Variants in ACAP2 observed in about 807,000 individuals in gnomAD.
ACAP2 encodes the protein ArfGAP with coiled-coil, ankyrin repeat and PH domains 2.
ACAP2 carries 39 observed loss-of-function variants against 115.8 expected under a neutral mutation model. That is an observed-to-expected ratio of 0.34 (90% CI 0.26 to 0.44). The LOEUF (loss-of-function observed/expected upper bound fraction) is 0.44. Among genes scored for constraint, ACAP2 ranks in the 20% least tolerant of loss-of-function variants. The pLI, the probability that ACAP2 is intolerant of heterozygous loss-of-function variation, is 1.00. For missense variants in ACAP2, 662 were observed against 927.6 expected (o/e 0.71, Z 3.72); for synonymous variants, 289 against 315.8 (o/e 0.92, Z 0.90).
At chr3:195,399,856 T>A (rs955749375) in intron 1 of ACAP2, among the ~76,000 whole-genome samples, 5 of 151,740 alleles carry the variant, frequency 3.3e-5, no homozygotes, top group Non-Finnish European at 5.9e-5. Flanking sequence ...AATAAAAAAA[T>A]TTAAAAAAAG....
intron 2 of ACAP2, among the ~76,000 whole-genome samples, chr3:195,389,818 C>T (rs1173736946): frequency 6.6e-6 from 1 of 152,204 alleles, no homozygotes; most frequent in East Asian, 1.9e-4. Context: ...GCTAGCGTTC[C>T]TCAGAACCTT....
chr3:195,323,397 C>T (rs560423119), intron 9 of ACAP2, among the ~76,000 whole-genome samples: 19 of 152,002 alleles, frequency 1.2e-4, no homozygotes, highest in Admixed American at 3.3e-4. Flanking sequence ...TCAATTTTAT[C>T]GCAAACAGAA....
At chr3:195,338,744 T>C (rs1456531057) in intron 6 of ACAP2, among the ~76,000 whole-genome samples, 2 of 152,240 alleles carry the variant, frequency 1.3e-5, no homozygotes, top group Non-Finnish European at 2.9e-5. Flanking sequence ...TTTTTGTCTG[T>C]TATTATCTAT....
chr3:195,306,444 T>C, intron 13 of ACAP2, 67 bp downstream of exon 13: 1 of 937,670 alleles, frequency 1.1e-6, no homozygotes, highest in African/African-American at 1.7e-5. Context: ...TACAGTCATA[T>C]AACGTTGCAA....
intron 1 of ACAP2, among the ~76,000 whole-genome samples, chr3:195,413,467 G>A (rs906588347): frequency 1.7e-4 from 26 of 151,960 alleles, no homozygotes; most frequent in African/African-American, 5.8e-4. Context: ...AGCAAAAGGG[G>A]GCCGGACACG....
At position 195,291,391 on chromosome 3, in the gene ACAP2, A is replaced by T. The variant is rs1727244968; in HGVS notation, c.2063+315T>A. Reference sequence around the variant, plus strand: ...ATAATGTATATGTACATACATACATAAACACAAACACAGGCTTAAGTTGTC... The same window carrying T: ...ATAATGTATATGTACATACATACATTAACACAAACACAGGCTTAAGTTGTC... On this transcript the variant is annotated intron_variant, in intron 20 of 22. Transcript: ENST00000326793. Among the ~76,000 whole-genome samples, 4 of 152,276 alleles carry T rather than the reference A, an allele frequency of 2.6e-5. No homozygotes were observed. The South Asian group carries it at 8.3e-4, about 32-fold the overall frequency.
chr3:195,303,770 C>T (rs1249491591), intron 13 of ACAP2, among the ~76,000 whole-genome samples: 7 of 152,142 alleles, frequency 4.6e-5, no homozygotes, highest in African/African-American at 1.7e-4. Flanking sequence ...CTCTGTCTCC[C>T]CGCCATCCTG....
At chr3:195,314,213 T>TTA (rs1491019155) in intron 10 of ACAP2, among the ~76,000 whole-genome samples, 5 of 151,530 alleles carry the variant, frequency 3.3e-5, no homozygotes, top group African/African-American at 7.3e-5. Context: ...TTTTTTTTTT[T>TTA]AATTTTTGTG....
At chr3:195,307,737 C>G (rs748928142) in intron 11 of ACAP2, among the ~76,000 whole-genome samples, 2 of 152,130 alleles carry the variant, frequency 1.3e-5, no homozygotes, top group Non-Finnish European at 2.9e-5. Flanking sequence ...GCTATAACTT[C>G]TTAAAATACC....
At chr3:195,432,972 T>C (rs1715252125) in intron 1 of ACAP2, among the ~76,000 whole-genome samples, 1 of 152,204 alleles carries the variant, frequency 6.6e-6, no homozygotes, top group African/African-American at 2.4e-5. Context: ...TGTACATTGA[T>C]CTTATAGACT....
intron 1 of ACAP2, among the ~76,000 whole-genome samples, chr3:195,432,873 T>C (rs901573588): frequency 2.0e-5 from 3 of 152,266 alleles, no homozygotes; most frequent in Non-Finnish European, 4.4e-5. Flanking sequence ...GTGTTTTCAG[T>C]GTACTGTCTT....
In ACAP2 at chr3:195,376,092, T is replaced by G. The variant is rs1733509834; in HGVS notation, c.285+4917A>C. Among the ~76,000 whole-genome samples, 4 of 151,952 alleles carry G rather than the reference T, an allele frequency of 2.6e-5. No individual in the cohort carries two copies. In the South Asian group the frequency reaches 6.2e-4, roughly 24 times the overall value. On this transcript the variant is annotated intron_variant, in intron 4 of 22. Coordinates refer to ENST00000326793, the MANE Select transcript of ACAP2 (RefSeq NM_012287.6). The stretch of plus-strand genomic sequence containing the variant: ...GAAAAAGTCATGTGTGTTCACATCT[T>G]ATAAAAACATATGCATTAAGGCCAA...
chr3:195,301,739 C>T (rs1728071965), intron 14 of ACAP2, 95 bp from the exon 15 acceptor site: 7 of 1,254,196 alleles, frequency 5.6e-6, no homozygotes, highest in Non-Finnish European at 8.0e-6. Context: ...TAATAAAGCC[C>T]TCGGCATACA....
At chr3:195,429,691 A>G (rs1422053889) in intron 1 of ACAP2, among the ~76,000 whole-genome samples, 1 of 152,222 alleles carries the variant, frequency 6.6e-6, no homozygotes, top group Non-Finnish European at 1.5e-5. Context: ...CAAGAAAAAA[A>G]CTATGAACAC....
At chr3:195,434,609 C>G (rs4677844) in intron 1 of ACAP2, among the ~76,000 whole-genome samples, 46,139 of 152,028 alleles carry the variant, frequency 0.3, 8,056 homozygotes, top group East Asian at 0.82. Flanking sequence ...GATTAGGAAT[C>G]TCGATGCTTT....
At chr3:195,364,508 T>A (rs1002712069) in intron 4 of ACAP2, among the ~76,000 whole-genome samples, 3 of 151,762 alleles carry the variant, frequency 2.0e-5, no homozygotes, top group African/African-American at 7.3e-5. Flanking sequence ...GAGATGGAGG[T>A]TGCAGTAAAC....
intron 1 of ACAP2, chr3:195,419,661 T>C (rs1469332030): frequency 1.3e-5 from 2 of 152,234 alleles, no homozygotes; most frequent in African/African-American, 4.8e-5. Context: ...CATGTATATT[T>C]TCCAATACTA....
intron 4 of ACAP2, among the ~76,000 whole-genome samples, chr3:195,364,214 C>A (rs140150622): frequency 6.6e-6 from 1 of 151,958 alleles, no homozygotes; most frequent in Non-Finnish European, 1.5e-5. Context: ...GAATTTATAA[C>A]AAGAATATTA....
At chr3:195,373,013 G>C (rs578077623) in intron 4 of ACAP2, among the ~76,000 whole-genome samples, 71 of 74,854 alleles carry the variant, frequency 9.5e-4, no homozygotes, top group African/African-American at 4.2e-3. Flanking sequence ...AAAAAAAAAA[G>C]CCTAATGATA....
Sources: gnomAD v4.1 joint callset for allele counts (sites outside exome capture counted in the v4.1 genomes callset) on GRCh38, gnomAD v4.1.1 for gene constraint, MANE v1.5 for transcripts, NCBI Gene and HGNC (gene_info 2026-07-23, HGNC 2026-07-21) for gene names.